SOX6: variants seen among roughly 807,000 people sequenced by gnomAD.
SOX6 encodes SRY-box transcription factor 6, also known as transcription factor SOX-6.
SOX6 carries 11 observed loss-of-function variants against 97.8 expected under a neutral mutation model. The ratio of observed to expected loss-of-function variants is 0.11; its 90% CI spans 0.07 to 0.19. The LOEUF (loss-of-function observed/expected upper bound fraction) is 0.19. Ranked by LOEUF, SOX6 falls within the 10% of genes least tolerant of loss-of-function variation. SOX6 has a pLI of 1.00. For synonymous variants in SOX6, 360 were observed against 371.4 expected (o/e 0.97, Z 0.35); for missense variants, 810 against 1,039.5 (o/e 0.78, Z 3.04).
chr11:16,690,511 T>A (rs1848005506), intron 3 of SOX6, among the ~76,000 whole-genome samples: 1 of 152,228 alleles, frequency 6.6e-6, no homozygotes, highest in Non-Finnish European at 1.5e-5. Context: ...GTTTTAATAG[T>A]ATAAGGGATA....
intron 1 of SOX6, among the ~76,000 whole-genome samples, chr11:16,419,139 C>G (rs968824342): frequency 2.6e-5 from 4 of 152,134 alleles, no homozygotes; most frequent in Non-Finnish European, 5.9e-5. Flanking sequence ...AGTGTGGCAA[C>G]ATTTTTTTCA....
chr11:16,083,546 C>A (rs951963368), intron 9 of SOX6, among the ~76,000 whole-genome samples: 14 of 152,140 alleles, frequency 9.2e-5, no homozygotes, highest in African/African-American at 3.4e-4. Flanking sequence ...TAGGTAGGAG[C>A]ATGAGATATA....
chr11:16,598,457 C>T (rs1197536513), intron 4 of SOX6, among the ~76,000 whole-genome samples: 1 of 152,030 alleles, frequency 6.6e-6, no homozygotes, highest in Non-Finnish European at 1.5e-5. Context: ...GACAACCACA[C>T]CTAAGTTTCT....
chr11:16,104,719 AAAAC>A (rs1406023265), intron 7 of SOX6, among the ~76,000 whole-genome samples: 1 of 152,014 alleles, frequency 6.6e-6, no homozygotes, highest in Non-Finnish European at 1.5e-5. Context: ...AATGCTAACT[AAAAC>A]AAAGAAATTA....
intron 1 of SOX6, chr11:16,397,625 C>G (rs117268681): frequency 1.3e-5 from 2 of 151,786 alleles, no homozygotes; most frequent in South Asian, 4.2e-4. Context: ...CAGCAGTCTG[C>G]CCAACTCATG....
rs186475408 is a variant in SOX6, at chr11:16,234,621, C to G, written c.496G>C (p.Glu166Gln). ...LLSKDWKEKMERLNTSELLGE... is the reference protein window; with the variant it reads ...LLSKDWKEKMQRLNTSELLGE... ...AGAAGTTCACTGGTATTTAGTCTTT[C>G]CATTTTTTCCTTCCAATCTTTTGAA... The change falls in exon 4 of 16, where the codon GAA (glutamate) becomes CAA (glutamine). Residue 166 changes from glutamate to glutamine, a missense_variant. Coordinates refer to ENST00000683767, the MANE Select transcript of SOX6 (RefSeq NM_001367873.1). 6 of 1,599,608 alleles carry G rather than the reference C, an allele frequency of 3.8e-6. No homozygotes were observed. The highest frequency in any genetic ancestry group is 2.7e-5 in the African/African-American group (2 of 74,812).
intron 1 of SOX6, among the ~76,000 whole-genome samples, chr11:16,422,741 G>C (rs1285668351): frequency 6.6e-6 from 1 of 152,066 alleles, no homozygotes; most frequent in Non-Finnish European, 1.5e-5. Context: ...TAAGGAAAAG[G>C]CACCTCCAAG....
At chr11:16,260,445 C>A (rs188369787) in intron 3 of SOX6, among the ~76,000 whole-genome samples, 3 of 151,392 alleles carry the variant, frequency 2.0e-5, no homozygotes, top group South Asian at 2.1e-4. Context: ...TTTAACCTAG[C>A]TGGCCTCTAG....
chr11:16,502,229 A>G (rs757769099), intron 4 of SOX6, among the ~76,000 whole-genome samples: 10 of 152,170 alleles, frequency 6.6e-5, no homozygotes, highest in South Asian at 2.1e-4. Flanking sequence ...ACCAAACACC[A>G]CATGTTCTCA....
intron 7 of SOX6, among the ~76,000 whole-genome samples, chr11:16,098,850 G>C (rs563589471): frequency 6.6e-6 from 1 of 151,946 alleles, no homozygotes; most frequent in South Asian, 2.1e-4. Flanking sequence ...TGGAAAGCAA[G>C]AAAACTTTTT....
At chr11:16,381,455 A>C (rs1386717436) in intron 1 of SOX6, among the ~76,000 whole-genome samples, 1 of 152,032 alleles carries the variant, frequency 6.6e-6, no homozygotes, top group Non-Finnish European at 1.5e-5. Flanking sequence ...TAATCTATAA[A>C]TGGCTCAGCC....
chr11:16,385,022 G>A (rs1367167357), intron 1 of SOX6, among the ~76,000 whole-genome samples: 1 of 151,978 alleles, frequency 6.6e-6, no homozygotes, highest in African/African-American at 2.4e-5. Context: ...TTTTAAAAGA[G>A]TGAAAAGCAG....
intron 12 of SOX6, 43 bp from the exon 13 acceptor site, chr11:16,015,093 CA>C (rs1279670859): frequency 6.5e-7 from 1 of 1,547,028 alleles, no homozygotes; most frequent in Admixed American, 1.7e-5. Flanking sequence ...GTTTCCAAAA[CA>C]GCCACCATTT....
chr11:16,728,867 C>A (rs901464071), intron 2 of SOX6, among the ~76,000 whole-genome samples: 2 of 152,138 alleles, frequency 1.3e-5, no homozygotes, highest in African/African-American at 4.8e-5. Context: ...ACTAGAATAA[C>A]CAGTTTAGAG....
intron 3 of SOX6, among the ~76,000 whole-genome samples, chr11:16,245,619 AT>A (rs2134191502): frequency 6.6e-6 from 1 of 151,762 alleles, no homozygotes; most frequent in South Asian, 2.1e-4. Context: ...CTCTGTTATT[AT>A]TAATACATGT....
At chr11:16,413,557 G>T (rs1022115646) in intron 1 of SOX6, among the ~76,000 whole-genome samples, 9 of 99,566 alleles carry the variant, frequency 9.0e-5, no homozygotes, top group Admixed American at 6.3e-4. Flanking sequence ...TTTCACTCTT[G>T]TCGCCCAGGC....
intron 6 of SOX6, among the ~76,000 whole-genome samples, chr11:16,151,814 A>G (rs1850464274): frequency 6.6e-6 from 1 of 152,170 alleles, no homozygotes; most frequent in Admixed American, 6.6e-5. Flanking sequence ...TCTAGGAAAC[A>G]CTGTACTAAA....
At chr11:16,229,696 T>C (rs1053309848) in intron 4 of SOX6, among the ~76,000 whole-genome samples, 1 of 151,896 alleles carries the variant, frequency 6.6e-6, no homozygotes, top group African/African-American at 2.4e-5. Flanking sequence ...TTCTTCTCTT[T>C]AAAAATTAAT....
chr11:16,479,612 A>G (rs1860309513), upstream of SOX6, among the ~76,000 whole-genome samples: 7 of 152,104 alleles, frequency 4.6e-5, no homozygotes, highest in Admixed American at 4.6e-4. Flanking sequence ...ATAAAAATGT[A>G]TACATTAAAA....
Sources: gnomAD v4.1 joint callset for allele counts (sites outside exome capture counted in the v4.1 genomes callset) on GRCh38, gnomAD v4.1.1 for gene constraint, MANE v1.5 for transcripts, NCBI Gene and HGNC (gene_info 2026-07-23, HGNC 2026-07-21) for gene names.